TRHDE: variants seen among roughly 807,000 people sequenced by gnomAD.
The protein encoded by TRHDE is thyrotropin-releasing hormone-degrading ectoenzyme.
In TRHDE, 72 loss-of-function variants were observed where a neutral mutation model predicts 125.7. The ratio of observed to expected loss-of-function variants is 0.57; its 90% CI spans 0.47 to 0.70. The LOEUF (loss-of-function observed/expected upper bound fraction) is 0.70, where lower values mean the gene tolerates loss of function less well. Among genes scored for constraint, TRHDE ranks in the 30% least tolerant of loss-of-function variants. The pLI, the probability that TRHDE is intolerant of heterozygous loss-of-function variation, is 0.00. For missense variants in TRHDE, 1,110 were observed against 1,327.1 expected (o/e 0.84, Z 2.54); for synonymous variants, 509 against 509.1 (o/e 1.00, Z 0.00).
chr12:72,147,705 G>A (rs1876262045), intron 2 of TRHDE: 1 of 152,172 alleles, frequency 6.6e-6, no homozygotes, highest in South Asian at 2.1e-4. Flanking sequence ...TGAAGGTCAT[G>A]GTAAATCTTT....
At chr12:72,388,293 C>T (rs1269721203) in intron 3 of TRHDE, among the ~76,000 whole-genome samples, 2 of 152,182 alleles carry the variant, frequency 1.3e-5, no homozygotes, top group African/African-American at 4.8e-5. Context: ...ATTTACTTTT[C>T]TCCATGGTAT....
chr12:72,249,153 A>C (rs1039037235), intron 2 of TRHDE, among the ~76,000 whole-genome samples: 1 of 152,168 alleles, frequency 6.6e-6, no homozygotes, highest in South Asian at 2.1e-4. Context: ...ATTTTCATAG[A>C]AGACAAAATG....
intron 12 of TRHDE, among the ~76,000 whole-genome samples, chr12:72,614,330 A>ATATATATATATTTTT (rs531067163): frequency 3.9e-5 from 5 of 129,840 alleles, no homozygotes; most frequent in African/African-American, 1.2e-4. Context: ...ATATATATAT[A>ATATATATATATTTTT]TTTTTTTTTT....
At chr12:72,116,644 C>A (rs188289858) in intron 2 of TRHDE, among the ~76,000 whole-genome samples, 1 of 152,014 alleles carries the variant, frequency 6.6e-6, no homozygotes, top group East Asian at 1.9e-4. Context: ...TATTTGTTGG[C>A]CACATAAATG....
intron 8 of TRHDE, among the ~76,000 whole-genome samples, 171 bp from the exon 9 acceptor site, chr12:72,562,682 C>T (rs900084715): frequency 5.3e-5 from 8 of 151,862 alleles, no homozygotes; most frequent in African/African-American, 1.9e-4. Flanking sequence ...ATTTATGAAG[C>T]TTAACTTAGG....
At chr12:72,568,756 A>AG in intron 10 of TRHDE, 100 bp downstream of exon 10, 1 of 685,994 alleles carries the variant, frequency 1.5e-6, no homozygotes, top group Non-Finnish European at 2.4e-6. Flanking sequence ...AATAAAGACA[A>AG]ATTAGAAAGA....
intron 2 of TRHDE, among the ~76,000 whole-genome samples, chr12:72,374,534 C>A (rs933151271): frequency 1.3e-5 from 2 of 152,028 alleles, no homozygotes; most frequent in Non-Finnish European, 2.9e-5. Context: ...GTAAAGAGAT[C>A]AATGTATTGA....
intron 12 of TRHDE, among the ~76,000 whole-genome samples, chr12:72,576,665 AAAT>A (rs1183607739): frequency 1.3e-5 from 2 of 152,148 alleles, no homozygotes; most frequent in African/African-American, 4.8e-5. Flanking sequence ...CTATTTAAAA[AAAT>A]ACTCTGACTT....
intron 12 of TRHDE, among the ~76,000 whole-genome samples, chr12:72,589,343 AT>A (rs1871574363): frequency 6.6e-6 from 1 of 151,082 alleles, no homozygotes; most frequent in Admixed American, 6.6e-5. Flanking sequence ...TTGCACTTTT[AT>A]TTTTTTCTTA....
intron 2 of TRHDE, chr12:72,309,752 T>TC (rs933753145): frequency 1.5e-5 from 2 of 135,834 alleles, no homozygotes; most frequent in African/African-American, 7.4e-5. Flanking sequence ...GAAGATGGAG[T>TC]TTTTTGATAC....
In TRHDE at chr12:72,273,057, T is replaced by C. The variant is rs1291458576; in HGVS notation, c.414T>C (p.Pro138=). 4.6e-6 allele frequency: 7 copies of C among 1,532,224 alleles called. No homozygotes were observed. 94.9% of individuals were successfully genotyped at this position (1,532,224 alleles called of 1,614,324 possible). The change falls in exon 1 of 19, where the codon CCT becomes CCC. Residue 138 remains proline, a synonymous_variant. Coordinates refer to ENST00000261180, the MANE Select transcript of TRHDE (RefSeq NM_013381.3). The surrounding 1 kb of genome is among the most constrained non-coding windows in gnomAD (Gnocchi z 5.3). ...FPERGGNGSL[P]GSARRNHHAG... ...AGCGCGGCGGCAACGGGAGCCTCCC[T>C]GGATCGGCCCGGCGCAACCACCACG... is the stretch of plus-strand genomic sequence containing the variant.
chr12:72,096,118 T>C (rs1000876459), intron 1 of TRHDE, among the ~76,000 whole-genome samples: 2 of 138,686 alleles, frequency 1.4e-5, no homozygotes, highest in African/African-American at 5.5e-5. Flanking sequence ...TTAAGATAAA[T>C]CTTTTCTTAT....
At chr12:72,601,971 T>C (rs545260308) in intron 12 of TRHDE, among the ~76,000 whole-genome samples, 3 of 152,162 alleles carry the variant, frequency 2.0e-5, no homozygotes, top group Non-Finnish European at 4.4e-5. Flanking sequence ...TGAAGTCTGG[T>C]TGTGTTCTTA....
intron 2 of TRHDE, among the ~76,000 whole-genome samples, chr12:72,195,266 C>G (rs1441927664): frequency 1.3e-5 from 2 of 152,212 alleles, no homozygotes; most frequent in South Asian, 2.1e-4. Context: ...GGGGACACAA[C>G]CAAACCACAT....
At chr12:72,622,326 C>T (rs1159716235) in intron 15 of TRHDE, among the ~76,000 whole-genome samples, 1 of 151,976 alleles carries the variant, frequency 6.6e-6, no homozygotes, top group African/African-American at 2.4e-5. Context: ...GAAAAAAATA[C>T]TGTGCTAAAT....
chr12:72,383,731 T>A (rs1246046852), intron 3 of TRHDE, among the ~76,000 whole-genome samples: 1 of 151,610 alleles, frequency 6.6e-6, no homozygotes, highest in African/African-American at 2.4e-5. Flanking sequence ...TTTTTTTTTT[T>A]TTCATTTTCC....
rs541480191 is a variant in TRHDE at position 72,442,089 on chromosome 12, C to A, written c.1316-27669C>A. 4.6e-5 allele frequency among the ~76,000 whole-genome samples: 7 copies of A among 151,866 alleles called. No homozygotes were observed. In the South Asian group the frequency reaches 1.0e-3, roughly 23 times the overall value. ...AAGAGAGGATAGTCTGTAAATGATG[C>A]CGGGATTATTTGGGATTTACGTTGG... On this transcript the variant is annotated intron_variant, in intron 3 of 18. Coordinates refer to ENST00000261180, the MANE Select transcript of TRHDE (RefSeq NM_013381.3).
intron 2 of TRHDE, among the ~76,000 whole-genome samples, chr12:72,187,886 G>A (rs911329774): frequency 1.3e-5 from 2 of 152,178 alleles, no homozygotes; most frequent in Non-Finnish European, 2.9e-5. Flanking sequence ...ATGTAGCTAA[G>A]ATTATATATT....
intron 2 of TRHDE, among the ~76,000 whole-genome samples, chr12:72,356,844 T>G (rs1437374438): frequency 1.3e-5 from 2 of 151,512 alleles, no homozygotes; most frequent in African/African-American, 4.8e-5. Context: ...ACTATGAAAC[T>G]CCAAGCACAA....
Sources: gnomAD v4.1 joint callset for allele counts (sites outside exome capture counted in the v4.1 genomes callset) on GRCh38, gnomAD v4.1.1 for gene constraint, Gnocchi (gnomAD v3.1) non-coding constraint, MANE v1.5 for transcripts, NCBI Gene and HGNC (gene_info 2026-07-23, HGNC 2026-07-21) for gene names.